The following RSPH14 variants were observed in gnomAD, a reference collection of about 807,000 sequenced individuals.
RSPH14 encodes rhabdoid tumor deletion region gene 1.
In RSPH14, 20 loss-of-function variants were observed where a neutral mutation model predicts 26.7. The observed-to-expected ratio is 0.75, with a 90% confidence interval of 0.53 to 1.09. RSPH14 has a LOEUF of 1.09. RSPH14 is among the 50% of genes least tolerant of loss of function. The probability of loss-of-function intolerance (pLI) is 0.00; values close to 1 mark genes in which losing one functional copy is unlikely to be tolerated. For synonymous variants in RSPH14, 177 were observed against 189.3 expected (o/e 0.93, Z 0.53); for missense variants, 449 against 457.2 (o/e 0.98, Z 0.16).
chr22:23,059,787 G>A (rs2068053403), intron 6 of RSPH14, 69 bp from the exon 7 acceptor site: 1 of 1,458,712 alleles, frequency 6.9e-7, no homozygotes, highest in Admixed American at 2.3e-5. Flanking sequence ...TCTCACCCTA[G>A]CCCTCTCCTG....
chr22:23,126,354 C>A (rs775201332), intron 4 of RSPH14, among the ~76,000 whole-genome samples: 7 of 152,194 alleles, frequency 4.6e-5, no homozygotes, highest in South Asian at 2.1e-4. Context: ...CCCGTCCTCC[C>A]CTGCAGTTCA....
In RSPH14 at chr22:23,089,667, G is replaced by A. The variant is rs779631213; in HGVS notation, c.422-25534C>T. On this transcript the variant is annotated intron_variant, in intron 4 of 6. Transcript: ENST00000216036. ...GGAAGGAGGGTGATGAGGGCAGGCC[G>A]GGCCTGCTGGACGGTGGGTGAGAAG... Among the ~76,000 whole-genome samples the A allele has an allele frequency of 7.9e-5, 12 of 152,186 alleles. No individual in the cohort carries two copies. In the East Asian group the frequency reaches 1.2e-3, roughly 15 times the overall value.
At chr22:23,160,884 A>T in the RSPH14 span, 1 of 1,613,310 alleles carries the variant, frequency 6.2e-7, no homozygotes, top group Admixed American at 1.7e-5. Context: ...CACAGGCGAG[A>T]ACGTGAAGGC....
chr22:23,094,112 C>T (rs1344432458), intron 4 of RSPH14, among the ~76,000 whole-genome samples: 1 of 152,158 alleles, frequency 6.6e-6, no homozygotes, highest in East Asian at 1.9e-4. Flanking sequence ...CCTTCCCACC[C>T]CAGGGCCTGT....
chr22:23,144,266 T>G (rs78340958), upstream of RSPH14, among the ~76,000 whole-genome samples: 31,453 of 152,090 alleles, frequency 0.21, 3,810 homozygotes, highest in Middle Eastern at 0.31. Context: ...ACTTCTCTGC[T>G]TCCCGCAGTG....
intron 4 of RSPH14, among the ~76,000 whole-genome samples, chr22:23,073,005 T>G (rs534187337): frequency 3.9e-5 from 6 of 152,208 alleles, no homozygotes; most frequent in Non-Finnish European, 7.3e-5. Flanking sequence ...ATGCTGAATA[T>G]AGCAATTCAG....
the RSPH14 span, among the ~76,000 whole-genome samples, chr22:23,165,581 A>C: frequency 6.6e-6 from 1 of 152,198 alleles, no homozygotes; most frequent in Non-Finnish European, 1.5e-5. Flanking sequence ...GGGCAGAAAA[A>C]TGTTTGTGCT....
intron 4 of RSPH14, among the ~76,000 whole-genome samples, chr22:23,075,944 C>T (rs2068496441): frequency 6.6e-6 from 1 of 152,160 alleles, no homozygotes; most frequent in Non-Finnish European, 1.5e-5. Flanking sequence ...GTCATGGAGG[C>T]CAAGGTCCTC....
chr22:23,176,194 T>C, the RSPH14 span, among the ~76,000 whole-genome samples: 4 of 152,332 alleles, frequency 2.6e-5, no homozygotes, highest in East Asian at 7.7e-4. Flanking sequence ...TCTGCTTGCC[T>C]GTTGCAGTCA....
chr22:23,104,301 G>A (rs1218494358), intron 4 of RSPH14, among the ~76,000 whole-genome samples: 1 of 152,188 alleles, frequency 6.6e-6, no homozygotes, highest in African/African-American at 2.4e-5. Flanking sequence ...GTCGCTGCCT[G>A]AGCGCCCTGT....
In RSPH14 at chr22:23,140,246, A is replaced by T. The variant is rs780110009; in HGVS notation, c.175T>A (p.Cys59Ser). The change falls in exon 2 of 7, where the codon TGT becomes AGT. Residue 59 changes from cysteine (C) to serine (S), a missense_variant. Transcript: ENST00000216036. ...ALCDLMHDPE[C>S]IYKAMNIGCM... ...CCTATGTTCATGGCCTTGTAGATAC[A>T]CTCGGGGTCATGCATGAGGTCACAC... is the stretch of plus-strand genomic sequence containing the variant. 1 of 1,613,914 alleles carries T rather than the reference A, an allele frequency of 6.2e-7. No homozygotes were observed. Among genetic ancestry groups the T allele is most frequent in the Admixed American group, 1.7e-5 (1 of 60,022 alleles).
chr22:23,131,425 C>A (rs1007285250), intron 4 of RSPH14: 1 of 278,154 alleles, frequency 3.6e-6, no homozygotes, highest in Non-Finnish European at 7.0e-6. Context: ...GGGGGAGGTT[C>A]ACAGGGTGCT....
chr22:23,178,048 G>A, the RSPH14 span, among the ~76,000 whole-genome samples: 1 of 152,084 alleles, frequency 6.6e-6, no homozygotes. Flanking sequence ...CGATACTCCT[G>A]CCTCGGCCTC....
At chr22:23,117,810 ATG>A (rs573931639) in intron 4 of RSPH14, among the ~76,000 whole-genome samples, 150 of 152,370 alleles carry the variant, frequency 9.8e-4, no homozygotes, top group African/African-American at 3.4e-3. Flanking sequence ...CCCTGTGTTC[ATG>A]GCCAGGGACA....
In RSPH14 at chr22:23,070,942, TGCGGGAGCGGCGCTGAG is replaced by T. The variant is rs996920403; in HGVS notation, c.422-6826_422-6810del. Among the ~76,000 whole-genome samples, 154 of 151,870 alleles carry T rather than the reference TGCGGGAGCGGCGCTGAG, an allele frequency of 1.0e-3. 1 individual carries two copies. The highest frequency in any genetic ancestry group is 3.5e-3 in the African/African-American group (145 of 41,412). On this transcript the variant is annotated intron_variant, in intron 4 of 6. Coordinates refer to ENST00000216036, the MANE Select transcript of RSPH14 (RefSeq NM_014433.3). ...CGGAGCCCGGGCGGGCCAGGCGAGC[TGCGGGAGCGGCGCTGAG>T]GCGGGTCTCCCTAGGGGGAGGATCA...
chr22:23,163,720 A>G, the RSPH14 span: 2 of 151,778 alleles, frequency 1.3e-5, no homozygotes, highest in Admixed American at 6.6e-5. Flanking sequence ...CTCTGCTAAC[A>G]GTCAGGACTA....
chr22:23,141,149 T>A (rs1191385331), intron 1 of RSPH14, among the ~76,000 whole-genome samples: 2 of 152,024 alleles, frequency 1.3e-5, no homozygotes, highest in East Asian at 3.9e-4. Flanking sequence ...GCCAACATGG[T>A]GAAACCCCGT....
the RSPH14 span, among the ~76,000 whole-genome samples, chr22:23,177,009 G>C: frequency 2.0e-5 from 3 of 152,232 alleles, no homozygotes; most frequent in African/African-American, 7.2e-5. Context: ...GTACTGGCAA[G>C]TTCTATCGGA....
intron 4 of RSPH14, among the ~76,000 whole-genome samples, chr22:23,090,129 T>C (rs912601951): frequency 2.0e-5 from 3 of 152,162 alleles, no homozygotes; most frequent in African/African-American, 7.2e-5. Flanking sequence ...TCCACTCATC[T>C]GTACTGAGCC....
Sources: allele counts gnomAD v4.1 joint callset (sites outside exome capture counted in the v4.1 genomes callset), GRCh38; gene constraint gnomAD v4.1.1; transcripts MANE v1.5; gene names NCBI Gene and HGNC (gene_info 2026-07-23, HGNC 2026-07-21).